Variants in RAB3IP observed in about 807,000 individuals in gnomAD.
RAB3IP encodes the protein rab-3A-interacting protein.
RAB3IP carries 36 observed loss-of-function variants against 59.1 expected under a neutral mutation model. The ratio of observed to expected loss-of-function variants is 0.61; its 90% confidence interval spans 0.47 to 0.80. The LOEUF (loss-of-function observed/expected upper bound fraction) is 0.80, where lower values mean the gene tolerates loss of function less well. Ranked by LOEUF, RAB3IP falls within the 30% of genes least tolerant of loss-of-function variation. RAB3IP has a pLI of 0.00. For synonymous variants in RAB3IP, 207 were observed against 191.2 expected (o/e 1.08, Z -0.68); for missense variants, 511 against 536.0 (o/e 0.95, Z 0.46).
At chr12:69,810,889 T>C (rs1036920545) in intron 8 of RAB3IP, among the ~76,000 whole-genome samples, 7 of 152,212 alleles carry the variant, frequency 4.6e-5, no homozygotes, top group Non-Finnish European at 2.9e-5. Context: ...GATTTATTAA[T>C]GTAGTGTAGC....
At chr12:69,800,071 C>T (rs755133296) in intron 6 of RAB3IP, 138 bp from the exon 7 acceptor site, 39 of 540,634 alleles carry the variant, frequency 7.2e-5, no homozygotes, top group Non-Finnish European at 1.1e-4. Context: ...GGTATTGAAC[C>T]ACCAAGAGTG....
chr12:69,802,510 G>A (rs550884644), intron 8 of RAB3IP, among the ~76,000 whole-genome samples: 1 of 152,138 alleles, frequency 6.6e-6, no homozygotes, highest in African/African-American at 2.4e-5. Flanking sequence ...AAAGACGAAA[G>A]GTTTTGCCTA....
chr12:69,813,504 C>A (rs987301314), intron 10 of RAB3IP, among the ~76,000 whole-genome samples: 1 of 152,092 alleles, frequency 6.6e-6, no homozygotes, highest in African/African-American at 2.4e-5. Context: ...GAGGATAATT[C>A]TGAATGGAAT....
Position 69,817,100 on chromosome 12 carries a change from A to G in RAB3IP, c.*1654A>G, listed in dbSNP as rs1881209272. 1 of 152,238 alleles carries G rather than the reference A, an allele frequency of 6.6e-6. No homozygotes were observed. Among genetic ancestry groups the G allele is most frequent in the African/African-American group, 2.4e-5 (1 of 41,468 alleles). The allele number at this position is 152,238 out of a possible 1,614,324, so 9.4% of individuals were successfully genotyped here. ...TCACTTTTGGAGAAAGTACCTAAAT[A>G]AAAAGAGAAACAAATCCAGGAGATA... is the stretch of plus-strand genomic sequence containing the variant. On this transcript the variant is annotated 3_prime_UTR_variant, in exon 11 of 11. Transcript: ENST00000247833.
At chr12:69,794,197 C>A (rs1610200) in intron 4 of RAB3IP, among the ~76,000 whole-genome samples, 133,315 of 152,184 alleles carry the variant, frequency 0.88, 58,687 homozygotes, top group Admixed American at 0.93. Context: ...AGTATCTATC[C>A]GGATGATTGA....
At chr12:69,743,986 T>G (rs1339521019) in intron 1 of RAB3IP, among the ~76,000 whole-genome samples, 1 of 152,194 alleles carries the variant, frequency 6.6e-6, no homozygotes, top group Non-Finnish European at 1.5e-5. Flanking sequence ...TGGAAAATGA[T>G]TTTTTTAAAA....
rs572204126 is a variant in RAB3IP at position 69,814,702 on chromosome 12, T to C, written c.1301-662T>C. 1.2e-4 allele frequency among the ~76,000 whole-genome samples: 18 copies of C among 152,122 alleles called. 1 individual carries two copies. The South Asian group carries it at 2.1e-3, about 18-fold the overall frequency. The stretch of plus-strand genomic sequence containing the variant: ...GTGGTAGTGGTGGAATCTTCCCTGA[T>C]TGAGAACCATTGATCTAAATGAATA... On this transcript the variant is annotated intron_variant, in intron 10 of 10. Transcript: ENST00000247833.
intron 3 of RAB3IP, among the ~76,000 whole-genome samples, chr12:69,760,040 G>T (rs540778277): frequency 5.0e-4 from 76 of 152,218 alleles, no homozygotes; most frequent in Non-Finnish European, 1.0e-3. Flanking sequence ...GCTGGGAGGT[G>T]GAGGTTGTAG....
At chr12:69,760,215 CA>C (rs1331010490) in intron 3 of RAB3IP, among the ~76,000 whole-genome samples, 1 of 152,158 alleles carries the variant, frequency 6.6e-6, no homozygotes, top group Non-Finnish European at 1.5e-5. Flanking sequence ...CCGTCTCCAC[CA>C]AAAAAATACG....
chr12:69,812,945 T>G lies in RAB3IP; in HGVS notation c.1231-19T>G. The G allele has an allele frequency of 6.2e-7, 1 of 1,611,452 alleles. No individual in the cohort carries two copies. The highest frequency in any genetic ancestry group is 8.5e-7 in the Non-Finnish European group (1 of 1,177,554). ...ATGGGACATTTGACCATTCATGACA[T>G]TTTCTCCATTTGGCCTAGATCACTT... On this transcript the variant is annotated intron_variant, in intron 9 of 10. Transcript: ENST00000247833.
At chr12:69,746,495 C>G (rs575416005) in intron 1 of RAB3IP, among the ~76,000 whole-genome samples, 7 of 152,274 alleles carry the variant, frequency 4.6e-5, no homozygotes, top group Admixed American at 2.6e-4. Context: ...CTTCCCTCCC[C>G]ACAACCCTCA....
At chr12:69,784,176 G>A (rs769254598) in intron 3 of RAB3IP, among the ~76,000 whole-genome samples, 3 of 151,852 alleles carry the variant, frequency 2.0e-5, no homozygotes, top group Non-Finnish European at 2.9e-5. Context: ...TTTTGGTAAC[G>A]TTTTTCTTGA....
At chr12:69,800,597 G>T (rs1210270931) in intron 7 of RAB3IP, among the ~76,000 whole-genome samples, 1 of 152,032 alleles carries the variant, frequency 6.6e-6, no homozygotes, top group Non-Finnish European at 1.5e-5. Flanking sequence ...TAGGTATGGG[G>T]GATAGGACTT....
chr12:69,754,163 C>G (rs985838044), intron 1 of RAB3IP, among the ~76,000 whole-genome samples: 1 of 152,066 alleles, frequency 6.6e-6, no homozygotes, highest in African/African-American at 2.4e-5. Context: ...AACACATTAT[C>G]CAGGATTGGA....
chr12:69,807,908 C>T (rs1275193754), intron 8 of RAB3IP, among the ~76,000 whole-genome samples: 5 of 151,082 alleles, frequency 3.3e-5, no homozygotes, highest in Admixed American at 6.6e-5. Context: ...CCAGATGGGG[C>T]GGCCGGGCGG....
chr12:69,760,394 GGGGAGAGGGAGAGGGAGACTGT>G (rs1871127554), intron 3 of RAB3IP, among the ~76,000 whole-genome samples: 2 of 142,144 alleles, frequency 1.4e-5, no homozygotes, highest in Non-Finnish European at 3.2e-5. Flanking sequence ...GGGAGACCGT[GGGGAGAGGGAGAGGGAGACTGT>G]GGGGAGAGGG....
At chr12:69,752,703 A>G (rs1869537378) in intron 1 of RAB3IP, among the ~76,000 whole-genome samples, 1 of 152,234 alleles carries the variant, frequency 6.6e-6, no homozygotes, top group Admixed American at 6.5e-5. Flanking sequence ...CCTTCAGGAT[A>G]TAAAGAGGTG....
chr12:69,795,369 C>G, intron 6 of RAB3IP, 25 bp downstream of exon 6: 1 of 1,574,382 alleles, frequency 6.4e-7, no homozygotes, highest in Non-Finnish European at 8.7e-7. Flanking sequence ...ACTGTCCCCT[C>G]TGACTCTGTT....
intron 3 of RAB3IP, among the ~76,000 whole-genome samples, chr12:69,783,211 G>T (rs1295458432): frequency 6.6e-6 from 1 of 152,154 alleles, no homozygotes. Context: ...TACATTTGAA[G>T]GTCTTTCTCC....
Sources: allele counts gnomAD v4.1 joint callset (sites outside exome capture counted in the v4.1 genomes callset), GRCh38; gene constraint gnomAD v4.1.1; transcripts MANE v1.5; gene names NCBI Gene and HGNC (gene_info 2026-07-23, HGNC 2026-07-21).